COMT: variants seen among roughly 807,000 people sequenced by gnomAD.
COMT encodes catechol O-methyltransferase.
Under a neutral mutation model 18.9 loss-of-function variants are expected in COMT, and 13 were observed. The observed-to-expected ratio is 0.69, with a 90% confidence interval of 0.45 to 1.09. The LOEUF (loss-of-function observed/expected upper bound fraction) is 1.09. Ranked by LOEUF, COMT falls within the 50% of genes least tolerant of loss-of-function variation. COMT has a pLI of 0.00. For synonymous variants in COMT, 150 were observed against 160.9 expected, an observed-to-expected ratio of 0.93 and a Z score of 0.51; for missense variants, 329 against 361.8, an observed-to-expected ratio of 0.91 and a Z score of 0.73.
chr22:19,952,553 G>A (rs569039957), intron 1 of COMT, among the ~76,000 whole-genome samples: 13 of 151,654 alleles, frequency 8.6e-5, no homozygotes, highest in African/African-American at 3.1e-4. Flanking sequence ...GCAGGAGAAT[G>A]CCATGAACCC....
At chr22:19,966,222 G>A (rs1000373379) in intron 5 of COMT, among the ~76,000 whole-genome samples, 1 of 152,120 alleles carries the variant, frequency 6.6e-6, no homozygotes, top group African/African-American at 2.4e-5. Context: ...GGGGCCCTGT[G>A]CCCCCTTGTG....
chr22:19,963,915 G>T, intron 4 of COMT, 156 bp downstream of exon 4: 1 of 1,197,462 alleles, frequency 8.4e-7, no homozygotes, highest in Admixed American at 2.0e-5. Context: ...TGGGGCTGAG[G>T]AAAGACCCCC....
At chr22:19,960,950 A>T (rs1451475632) in intron 1 of COMT, among the ~76,000 whole-genome samples, 2 of 152,216 alleles carry the variant, frequency 1.3e-5, no homozygotes, top group East Asian at 3.9e-4. Context: ...GGCAGTGTGG[A>T]CAGGGACCAG....
chr22:19,965,991 C>A (rs1336834903), intron 5 of COMT, among the ~76,000 whole-genome samples: 2 of 152,230 alleles, frequency 1.3e-5, no homozygotes, highest in Non-Finnish European at 2.9e-5. Flanking sequence ...TGCGTTACTG[C>A]GGCCGAGTTT....
At chr22:19,967,533 T>A (rs1234256294) in intron 5 of COMT, 10 of 385,296 alleles carry the variant, frequency 2.6e-5, no homozygotes, top group Admixed American at 2.5e-4. Context: ...AGCCCCCTGC[T>A]TTCTCTGCAG....
At position 19,942,370 on chromosome 22, in the gene COMT, T is replaced by G. The variant is rs1015994727; in HGVS notation, c.-92+473T>G. Among the ~76,000 whole-genome samples the G allele has an allele frequency of 2.0e-5, 3 of 151,992 alleles. No individual in the cohort carries two copies. The East Asian group carries it at 5.8e-4, about 29-fold the overall frequency. The stretch of plus-strand genomic sequence containing the variant: ...GGGGAGGGTCTGTGGAGCCCCAGAC[T>G]CAGAGGGCCTTGGTGACTTCTCCAA... On this transcript the variant is annotated intron_variant, in intron 1 of 5. Transcript: ENST00000361682.
intron 1 of COMT, among the ~76,000 whole-genome samples, chr22:19,951,950 C>A (rs924524022): frequency 6.6e-6 from 1 of 152,198 alleles, no homozygotes; most frequent in African/African-American, 2.4e-5. Context: ...GTAGCCATGA[C>A]TTTCTCAGGC....
At chr22:19,950,881 T>C (rs1941919215) in intron 1 of COMT, 2 of 152,148 alleles carry the variant, frequency 1.3e-5, no homozygotes, top group African/African-American at 2.4e-5. Context: ...AGTTTTGTTT[T>C]GATGTGCTGA....
chr22:19,963,230 G>A (rs1163371866), intron 3 of COMT: 5 of 506,622 alleles, frequency 9.9e-6, no homozygotes, highest in Non-Finnish European at 1.8e-5. Flanking sequence ...CCCCAAGGTG[G>A]GCGGTTCGGT....
At chr22:19,958,271 CCT>C (rs1289296656) in intron 1 of COMT, among the ~76,000 whole-genome samples, 1 of 150,674 alleles carries the variant, frequency 6.6e-6, no homozygotes, top group African/African-American at 2.4e-5. Context: ...CTCAGGTGAT[CCT>C]CCCGCCTCAG....
chr22:19,967,366 C>T (rs202017586), intron 5 of COMT: 59 of 510,436 alleles, frequency 1.2e-4, no homozygotes, highest in African/African-American at 9.5e-4. Context: ...CTTTGTTCTA[C>T]GTCTTTTCAG....
rs1164888098 is a variant in COMT, at chr22:19,964,279, C to T, written c.595C>T (p.Pro199Ser). ...CGACCACTGGAAGGACCGGTACCTGCCGGACACGCTTCTCTTGGAGGTGAG... is the reference window on the plus strand; with the variant it reads ...CGACCACTGGAAGGACCGGTACCTGTCGGACACGCTTCTCTTGGAGGTGAG... ...FLDHWKDRYL[P>S]DTLLLEECGL... is the part of the protein sequence containing the mutation. The change falls in exon 5 of 6, where the codon CCG (proline) becomes TCG (serine). Residue 199 changes from proline (P) to serine (S), a missense_variant. By Grantham distance (74) the Pro-to-Ser change is moderately conservative. Coordinates refer to ENST00000361682, the MANE Select transcript of COMT (RefSeq NM_000754.4). 6.2e-7 allele frequency: 1 copy of T among 1,614,064 alleles called. No homozygotes were observed. The highest frequency in any genetic ancestry group is 8.5e-7 in the Non-Finnish European group (1 of 1,180,036).
intron 4 of COMT, 98 bp downstream of exon 4, chr22:19,963,857 C>T (rs1299577859): frequency 4.2e-6 from 6 of 1,429,040 alleles, no homozygotes; most frequent in East Asian, 2.5e-5. Context: ...GTTCACACCA[C>T]GTTCACTGAA....
rs368058751 is a variant in COMT at position 19,952,435 on chromosome 22, C to T, written c.-91-8764C>T. 3.6e-4 allele frequency among the ~76,000 whole-genome samples: 54 copies of T among 152,040 alleles called. 1 individual carries two copies. The South Asian group carries it at 9.3e-3, about 26-fold the overall frequency. ...CGGGCGGATCATGAGGTCAGGAGAT[C>T]GAGACCATCCTGGCTAACATGGTGA... On this transcript the variant is annotated intron_variant, in intron 1 of 5. Transcript: ENST00000361682.
chr22:19,947,205 C>T lies in COMT; in HGVS notation c.-92+5308C>T, dbSNP rs148543216. On this transcript the variant is annotated intron_variant, in intron 1 of 5. Coordinates refer to ENST00000361682, the MANE Select transcript of COMT (RefSeq NM_000754.4). ...TGTTGGGATTACAGGCGTGAGTCAC[C>T]GCGTCCGGCCCTAAATAACATTTTT... Among the ~76,000 whole-genome samples the T allele has an allele frequency of 3.3e-5, 5 of 151,756 alleles. No homozygotes were observed. The East Asian group carries it at 5.8e-4, about 18-fold the overall frequency.
In COMT at chr22:19,964,321, A is replaced by G. The variant is rs745447925; in HGVS notation, c.615+22A>G. The G allele has an allele frequency of 3.1e-6, 5 of 1,613,602 alleles. No homozygotes were observed. In the Admixed American group the frequency reaches 6.7e-5, roughly 22 times the overall value. On this transcript the variant is annotated intron_variant, in intron 5 of 5. Coordinates refer to ENST00000361682, the MANE Select transcript of COMT (RefSeq NM_000754.4). ...GGAGGTGAGCCCCAACCAGGATGGC[A>G]TCCGTGCCAGCTGCTGCCCAGAGCC...
At chr22:19,966,022 C>G (rs1049008650) in intron 5 of COMT, among the ~76,000 whole-genome samples, 2 of 152,234 alleles carry the variant, frequency 1.3e-5, no homozygotes, top group Non-Finnish European at 2.9e-5. Flanking sequence ...GATGTGGGTG[C>G]TAATTACAGG....
chr22:19,954,425 G>A (rs1335252345), intron 1 of COMT, among the ~76,000 whole-genome samples: 2 of 152,102 alleles, frequency 1.3e-5, no homozygotes, highest in African/African-American at 4.8e-5. Flanking sequence ...GAGCAGCCAC[G>A]GACAATGTCT....
intron 1 of COMT, among the ~76,000 whole-genome samples, chr22:19,945,337 T>C (rs903917272): frequency 2.6e-5 from 4 of 152,234 alleles, no homozygotes; most frequent in African/African-American, 9.6e-5. Flanking sequence ...TCAAGAGCTC[T>C]TTGTAAGCAA....
Sources: allele counts gnomAD v4.1 joint callset (sites outside exome capture counted in the v4.1 genomes callset), GRCh38; gene constraint gnomAD v4.1.1; transcripts MANE v1.5; gene names NCBI Gene and HGNC (gene_info 2026-07-23, HGNC 2026-07-21).